PIGK: variants seen among roughly 807,000 people sequenced by gnomAD.
The protein encoded by PIGK is GPI-anchor transamidase.
A neutral mutation model predicts 50.6 loss-of-function variants in PIGK; 42 were observed. The observed-to-expected ratio is 0.83, with a 90% CI of 0.65 to 1.07. The LOEUF is 1.07. Ranked by LOEUF, PIGK falls within the 50% of genes least tolerant of loss-of-function variation. PIGK has a pLI of 0.00. For missense variants in PIGK, 448 were observed against 488.7 expected (o/e 0.92, Z 0.78); for synonymous variants, 151 against 156.0 (o/e 0.97, Z 0.24).
intron 8 of PIGK, among the ~76,000 whole-genome samples, chr1:77,159,005 G>A (rs1271091482): frequency 3.3e-5 from 5 of 152,140 alleles, no homozygotes; most frequent in Admixed American, 3.3e-4. Context: ...TGTCTCCAGG[G>A]CATGTCAGAG....
intron 1 of PIGK, 77 bp from the exon 2 acceptor site, chr1:77,210,566 G>A (rs1005256749): frequency 2.6e-5 from 22 of 845,142 alleles, no homozygotes; most frequent in South Asian, 6.4e-5. Flanking sequence ...GTTGAGACTC[G>A]TGTAGTTTTT....
chr1:77,195,572 C>T (rs557658847), intron 3 of PIGK, among the ~76,000 whole-genome samples: 1 of 152,290 alleles, frequency 6.6e-6, no homozygotes, highest in East Asian at 1.9e-4. Context: ...GATATATCAA[C>T]ATTAACAACT....
chr1:77,131,026 A>G (rs1011608265), intron 9 of PIGK, among the ~76,000 whole-genome samples: 1 of 152,114 alleles, frequency 6.6e-6, no homozygotes, highest in African/African-American at 2.4e-5. Flanking sequence ...ATAAAATTAT[A>G]TGATAATTTA....
intron 9 of PIGK, among the ~76,000 whole-genome samples, chr1:77,127,058 T>C (rs1654249319): frequency 6.6e-6 from 1 of 152,226 alleles, no homozygotes; most frequent in Non-Finnish European, 1.5e-5. Context: ...CAACACATGG[T>C]ATTTGCTTAC....
rs1280926004 is a variant in PIGK, at chr1:77,136,513, G to GGCGACAGA, written c.987-14162_987-14155dup. On this transcript the variant is annotated intron_variant, in intron 9 of 10. Coordinates refer to ENST00000370812, the MANE Select transcript of PIGK (RefSeq NM_005482.3). ...CACTGCACTCCAGCCTGGGCGACTG[G>GGCGACAGA]GCGACAGAGCGAGACTCCGTCTCAA... 2.0e-4 allele frequency among the ~76,000 whole-genome samples: 29 copies of GGCGACAGA among 145,016 alleles called. No individual in the cohort carries two copies. In the South Asian group the frequency reaches 5.9e-3, roughly 29 times the overall value.
intron 10 of PIGK, among the ~76,000 whole-genome samples, chr1:77,094,379 C>A (rs542632848): frequency 6.6e-6 from 1 of 152,148 alleles, no homozygotes; most frequent in South Asian, 2.1e-4. Flanking sequence ...AAATCTGGCA[C>A]CAATGTAAAC....
At position 77,166,710 on chromosome 1, in the gene PIGK, T is replaced by G; in HGVS notation, c.487+9A>C. The G allele has an allele frequency of 1.5e-6, 2 of 1,348,218 alleles. No individual in the cohort carries two copies. The highest frequency in any genetic ancestry group is 1.3e-5 in the South Asian group (1 of 78,264). The allele number at this position is 1,348,218 out of a possible 1,614,324, so 83.5% of individuals were successfully genotyped here. On this transcript the variant is annotated intron_variant, in intron 5 of 10. Coordinates refer to ENST00000370812, the MANE Select transcript of PIGK (RefSeq NM_005482.3). ...ACTCTACTATAAAAACTCTAAATTA[T>G]GAAATTACCTGTCATATAAATTAGA...
intron 3 of PIGK, among the ~76,000 whole-genome samples, chr1:77,172,327 T>C (rs904248941): frequency 6.6e-6 from 1 of 152,164 alleles, no homozygotes; most frequent in Non-Finnish European, 1.5e-5. Context: ...ATAAGTAAAA[T>C]GCCAACCTGT....
chr1:77,119,623 T>C (rs1419675084), intron 10 of PIGK, among the ~76,000 whole-genome samples: 2 of 152,262 alleles, frequency 1.3e-5, no homozygotes, highest in African/African-American at 4.8e-5. Flanking sequence ...GTGAGAATCC[T>C]ATCTCCTGAT....
chr1:77,205,717 A>C (rs1017156451), intron 3 of PIGK, among the ~76,000 whole-genome samples: 1 of 152,170 alleles, frequency 6.6e-6, no homozygotes, highest in African/African-American at 2.4e-5. Context: ...GTACTAAATA[A>C]ATCAAACCTA....
At position 77,171,294 on chromosome 1, in the gene PIGK, G is replaced by T. The variant is rs2689666; in HGVS notation, c.240-1899C>A. 1.0e-3 allele frequency among the ~76,000 whole-genome samples: 157 copies of T among 151,126 alleles called. 1 individual carries two copies. The highest frequency in any genetic ancestry group is 3.6e-3 in the African/African-American group (148 of 41,246). ...TACTAAAAATACAAAAAAATTAGCC[G>T]GGCATGGTGGCAGGCGCCTGTAGTC... On this transcript the variant is annotated intron_variant, in intron 3 of 10. Transcript: ENST00000370812.
At chr1:77,213,256 A>T (rs1303588211) in intron 1 of PIGK, among the ~76,000 whole-genome samples, 1 of 152,212 alleles carries the variant, frequency 6.6e-6, no homozygotes, top group Non-Finnish European at 1.5e-5. Context: ...ATGGCAGATT[A>T]CACATTCTTC....
chr1:77,092,878 T>C (rs1012627217), intron 10 of PIGK, among the ~76,000 whole-genome samples: 1 of 152,124 alleles, frequency 6.6e-6, no homozygotes, highest in Non-Finnish European at 1.5e-5. Flanking sequence ...GGTCATCTTA[T>C]TATATTCCCA....
chr1:77,208,278 A>G (rs537349141), intron 2 of PIGK, among the ~76,000 whole-genome samples: 1 of 152,118 alleles, frequency 6.6e-6, no homozygotes, highest in Non-Finnish European at 1.5e-5. Flanking sequence ...TTAAAGTTTC[A>G]CTATACTAAT....
chr1:77,120,985 T>C (rs1480906252), intron 10 of PIGK, among the ~76,000 whole-genome samples: 2 of 152,214 alleles, frequency 1.3e-5, no homozygotes, highest in Admixed American at 1.3e-4. Context: ...TATTGGTTCA[T>C]CCATGCTATA....
chr1:77,218,438 A>C (rs553003606), intron 1 of PIGK, among the ~76,000 whole-genome samples: 18 of 152,312 alleles, frequency 1.2e-4, no homozygotes, highest in African/African-American at 4.1e-4. Context: ...AGATCACAAA[A>C]TTTAGTGATA....
intron 8 of PIGK, among the ~76,000 whole-genome samples, chr1:77,158,518 A>G (rs1427756777): frequency 6.6e-6 from 1 of 152,150 alleles, no homozygotes. Flanking sequence ...AAACAGGAAG[A>G]TGCGAAAAAG....
intron 1 of PIGK, among the ~76,000 whole-genome samples, chr1:77,214,825 GACA>G (rs1470661500): frequency 6.6e-6 from 1 of 152,018 alleles, no homozygotes; most frequent in Non-Finnish European, 1.5e-5. Flanking sequence ...AAAATCAATA[GACA>G]AAAATCAATG....
At chr1:77,147,695 C>T (rs1177463075) in intron 9 of PIGK, among the ~76,000 whole-genome samples, 1 of 152,222 alleles carries the variant, frequency 6.6e-6, no homozygotes, top group Non-Finnish European at 1.5e-5. Context: ...TGTCTGCATA[C>T]TTATCCAAAG....
Sources: gnomAD v4.1 joint callset for allele counts (sites outside exome capture counted in the v4.1 genomes callset) on GRCh38, gnomAD v4.1.1 for gene constraint, MANE v1.5 for transcripts, NCBI Gene and HGNC (gene_info 2026-07-23, HGNC 2026-07-21) for gene names.